Variants in GGTA1 observed in about 807,000 individuals in gnomAD.
The protein encoded by GGTA1 is glycoprotein alpha-galactosyltransferase 1 (inactive).
In GGTA1, 5 loss-of-function variants were observed where a neutral mutation model predicts 2.6. The ratio of observed to expected loss-of-function variants is 1.92; its 90% CI spans 1.00 to 4.04. The LOEUF is 4.04. Among genes scored for constraint, GGTA1 ranks in the 30% most tolerant of loss-of-function variants. GGTA1 has a pLI of 0.00. For synonymous variants in GGTA1, 17 were observed against 5.0 expected (o/e 3.38, Z -3.19); for missense variants, 50 against 16.7 (o/e 2.99, Z -3.47).
At chr9:121,459,822 T>C (rs1428008617) in intron 5 of GGTA1, among the ~76,000 whole-genome samples, 1 of 152,242 alleles carries the variant, frequency 6.6e-6, no homozygotes, top group Admixed American at 6.5e-5. Context: ...TGTGAGACCA[T>C]GAACTTCTCA....
chr9:121,495,264 G>A (rs937361522), intron 1 of GGTA1, among the ~76,000 whole-genome samples: 13 of 151,882 alleles, frequency 8.6e-5, no homozygotes, highest in Admixed American at 7.9e-4. Flanking sequence ...GACTATCCTG[G>A]GCCAGGCATG....
chr9:121,460,052 C>G (rs555033881), intron 5 of GGTA1, 52 bp downstream of exon 5: 75 of 452,630 alleles, frequency 1.7e-4, no homozygotes, highest in Middle Eastern at 9.8e-4. Context: ...GCCACACCAC[C>G]CCCTGCAGGG....
intron 5 of GGTA1, among the ~76,000 whole-genome samples, chr9:121,458,822 C>G (rs1335003454): frequency 6.6e-6 from 1 of 152,114 alleles, no homozygotes; most frequent in Non-Finnish European, 1.5e-5. Flanking sequence ...CTCCCAAGTC[C>G]TGCTCAGCAA....
At chr9:121,457,071 G>C (rs1282054175) in intron 5 of GGTA1, among the ~76,000 whole-genome samples, 1 of 152,206 alleles carries the variant, frequency 6.6e-6, no homozygotes, top group Non-Finnish European at 1.5e-5. Flanking sequence ...TGGCATAGCG[G>C]CTGTCGAGTG....
At chr9:121,481,626 G>A (rs1828651068) in intron 1 of GGTA1, among the ~76,000 whole-genome samples, 2 of 144,158 alleles carry the variant, frequency 1.4e-5, no homozygotes, top group Non-Finnish European at 3.0e-5. Context: ...AGGTTGCAGT[G>A]AGCCAAGATT....
intron 1 of GGTA1, among the ~76,000 whole-genome samples, chr9:121,482,631 T>A (rs2118741399): frequency 6.6e-6 from 1 of 152,110 alleles, no homozygotes; most frequent in Non-Finnish European, 1.5e-5. Context: ...TAGCAGGGCA[T>A]GGTAGTGGGC....
chr9:121,447,958 A>G (rs555582357), intron 7 of GGTA1, among the ~76,000 whole-genome samples: 15 of 152,290 alleles, frequency 9.8e-5, no homozygotes, highest in African/African-American at 3.4e-4. Context: ...CCAGTCCAAG[A>G]GAGCATGTGT....
downstream of GGTA1, among the ~76,000 whole-genome samples, chr9:121,452,657 T>A (rs945326985): frequency 6.6e-6 from 1 of 152,132 alleles, no homozygotes; most frequent in Non-Finnish European, 1.5e-5. Flanking sequence ...TAGCTGGGAT[T>A]ATAAGCGTGC....
intron 1 of GGTA1, among the ~76,000 whole-genome samples, chr9:121,490,298 G>C (rs1306619310): frequency 6.6e-6 from 1 of 152,182 alleles, no homozygotes; most frequent in African/African-American, 2.4e-5. Context: ...TTTCACTAAA[G>C]TGCTCAATGT....
chr9:121,487,843 G>A (rs1310426677), intron 1 of GGTA1, among the ~76,000 whole-genome samples: 1 of 151,724 alleles, frequency 6.6e-6, no homozygotes, highest in African/African-American at 2.4e-5. Flanking sequence ...AGCCTCCCAC[G>A]TAGCTGGGAT....
chr9:121,472,768 G>T (rs1828418843), intron 1 of GGTA1, among the ~76,000 whole-genome samples: 1 of 152,168 alleles, frequency 6.6e-6, no homozygotes, highest in South Asian at 2.1e-4. Flanking sequence ...CCCACCTGCT[G>T]AGGATCAAAT....
intron 2 of GGTA1, among the ~76,000 whole-genome samples, chr9:121,465,017 A>C (rs2064994476): frequency 6.7e-6 from 1 of 149,258 alleles, no homozygotes; most frequent in African/African-American, 2.5e-5. Flanking sequence ...AAAAAAAAAA[A>C]ACAAAAAACA....
intron 1 of GGTA1, among the ~76,000 whole-genome samples, chr9:121,480,016 C>T (rs1174399206): frequency 6.6e-6 from 1 of 151,836 alleles, no homozygotes; most frequent in Non-Finnish European, 1.5e-5. Flanking sequence ...CTGGAAGGGA[C>T]CTAGGGGCAG....
chr9:121,457,710 A>AG (rs556391546), intron 5 of GGTA1, among the ~76,000 whole-genome samples: 1 of 150,320 alleles, frequency 6.7e-6, no homozygotes, highest in East Asian at 2.0e-4. Context: ...TAAAAAAAAA[A>AG]AAAAAACAGT....
intron 2 of GGTA1, among the ~76,000 whole-genome samples, chr9:121,464,760 C>T (rs1249300281): frequency 1.3e-5 from 2 of 152,176 alleles, no homozygotes; most frequent in Admixed American, 1.3e-4. Flanking sequence ...TGAAGGCTTC[C>T]TCTAATTCTC....
At chr9:121,464,619 AAAAACAAAAAC>A (rs1486426257) in intron 2 of GGTA1, among the ~76,000 whole-genome samples, 1 of 40,136 alleles carries the variant, frequency 2.5e-5, no homozygotes, top group Non-Finnish European at 7.4e-5. Context: ...AAACAAAAAC[AAAAACAAAAAC>A]AAAACAAAAC....
At chr9:121,445,518 A>C (rs2064848405) in exon 8 of GGTA1, 1 of 152,220 alleles carries the variant, frequency 6.6e-6, no homozygotes, top group Admixed American at 6.5e-5. Flanking sequence ...ACTGGAACAC[A>C]AGCAAAACAT....
chr9:121,459,026 G>A (rs1160956208), intron 5 of GGTA1, among the ~76,000 whole-genome samples: 4 of 152,212 alleles, frequency 2.6e-5, no homozygotes, highest in African/African-American at 9.6e-5. Context: ...CTGTTGTGCA[G>A]ATCATCAAAT....
At chr9:121,467,501 T>G (rs555450572) in intron 2 of GGTA1, among the ~76,000 whole-genome samples, 39 of 152,366 alleles carry the variant, frequency 2.6e-4, no homozygotes, top group Non-Finnish European at 5.1e-4. Flanking sequence ...AATTCCTGTC[T>G]GAAATTTCTT....
Sources: gnomAD v4.1 joint callset for allele counts (sites outside exome capture counted in the v4.1 genomes callset) on GRCh38, gnomAD v4.1.1 for gene constraint, MANE v1.5 for transcripts, NCBI Gene and HGNC (gene_info 2026-07-23, HGNC 2026-07-21) for gene names.